Variants in XIRP2 observed in about 807,000 individuals in gnomAD.
XIRP2 encodes xin actin binding repeat containing 2.
A neutral mutation model predicts 277.0 loss-of-function variants in XIRP2; 236 were observed. The observed-to-expected ratio is 0.85, with a 90% CI of 0.77 to 0.95. XIRP2 has a LOEUF of 0.95. Ranked by LOEUF, XIRP2 falls within the 40% of genes least tolerant of loss-of-function variation. XIRP2 has a pLI of 0.00. For missense variants in XIRP2, 4,640 were observed against 4,157.5 expected, an observed-to-expected ratio of 1.12 and a Z score of -3.19; for synonymous variants, 1,490 against 1,416.5, an observed-to-expected ratio of 1.05 and a Z score of -1.17.
At chr2:167,200,260 G>T (rs1427989966) in intron 3 of XIRP2, among the ~76,000 whole-genome samples, 4 of 152,176 alleles carry the variant, frequency 2.6e-5, no homozygotes, top group Admixed American at 2.0e-4. Flanking sequence ...AAGCAGCAGG[G>T]ACTTAAAGAC....
intron 2 of XIRP2, among the ~76,000 whole-genome samples, chr2:167,116,306 T>C (rs115420128): frequency 0.014 from 2,092 of 152,338 alleles, 57 homozygotes; most frequent in African/African-American, 0.048. Context: ...GCTTTACATA[T>C]TTTGTAGCTC....
intron 2 of XIRP2, among the ~76,000 whole-genome samples, chr2:167,101,611 G>C (rs779778674): frequency 6.6e-6 from 1 of 152,090 alleles, no homozygotes. Context: ...TCGCATAATG[G>C]TCTCCAATTC....
chr2:167,221,325 G>T (rs187501426), intron 5 of XIRP2, among the ~76,000 whole-genome samples: 1 of 151,900 alleles, frequency 6.6e-6, no homozygotes, highest in African/African-American at 2.4e-5. Flanking sequence ...TTAGCCAGGT[G>T]TGGTGGCGTA....
Position 167,259,677 on chromosome 2 carries a change from C to A in XIRP2, c.*1860C>A, listed in dbSNP as rs1048981. 0.14 allele frequency: 34,481 copies of A among 239,154 alleles called. 3,127 individuals are homozygous for A. Among genetic ancestry groups the A allele is most frequent in the African/African-American group, 0.29 (12,812 of 43,878 alleles). The allele number at this position is 239,154 out of a possible 1,614,324, so 14.8% of individuals were successfully genotyped here. The stretch of plus-strand genomic sequence containing the variant: ...CATGGGTGTGATTTTTATACTGCTG[C>A]TGCTTGTCACAATTATTATAACTTC... On this transcript the variant is annotated 3_prime_UTR_variant, in exon 11 of 11. Coordinates refer to ENST00000409195, the MANE Select transcript of XIRP2 (RefSeq NM_152381.6).
At chr2:166,926,496 G>C (rs947209891) in intron 2 of XIRP2, among the ~76,000 whole-genome samples, 1 of 152,032 alleles carries the variant, frequency 6.6e-6, no homozygotes, top group African/African-American at 2.4e-5. Flanking sequence ...CAAAAGAAAC[G>C]AGAGGTCATC....
Position 167,244,780 on chromosome 2 carries a change from C to T in XIRP2, c.3388C>T (p.Leu1130Phe). ...GGGAGATGTCAAAACTTGTACTTGG[C>T]TCTTTGAAACTCAGCCACTTGATAC... Reference protein sequence around the residue: ...HKGDVKTCTWLFETQPLDTIK... With the variant: ...HKGDVKTCTWFFETQPLDTIK... Residue 1130 changes from leucine (L) to phenylalanine (F), a missense_variant, in exon 9 of 11, where the codon CTC (leucine) becomes TTC (phenylalanine). By Grantham distance (22) the Leu-to-Phe change is conservative (BLOSUM62 0). Coordinates refer to ENST00000409195, the MANE Select transcript of XIRP2 (RefSeq NM_152381.6). The T allele has an allele frequency of 1.2e-6, 2 of 1,613,468 alleles. No individual in the cohort carries two copies. Among genetic ancestry groups the T allele is most frequent in the Admixed American group, 1.7e-5 (1 of 59,936 alleles).
chr2:166,904,509 G>A (rs1003648206), intron 2 of XIRP2, among the ~76,000 whole-genome samples: 7 of 152,116 alleles, frequency 4.6e-5, no homozygotes, highest in Non-Finnish European at 7.4e-5. Context: ...TGATTATGGT[G>A]TACTATAATG....
At chr2:167,082,924 C>T (rs574794563) in intron 2 of XIRP2, among the ~76,000 whole-genome samples, 7 of 152,226 alleles carry the variant, frequency 4.6e-5, no homozygotes, top group Admixed American at 3.3e-4. Context: ...GTTTCTTTTG[C>T]TGTGCAGAAG....
intron 2 of XIRP2, among the ~76,000 whole-genome samples, chr2:167,089,799 C>T (rs570739797): frequency 1.3e-5 from 2 of 152,114 alleles, no homozygotes; most frequent in South Asian, 2.1e-4. Flanking sequence ...TCTATCGAAA[C>T]GCAGCTATGC....
chr2:167,140,595 A>G (rs947327094), intron 3 of XIRP2, among the ~76,000 whole-genome samples: 15 of 152,090 alleles, frequency 9.9e-5, no homozygotes, highest in Non-Finnish European at 7.4e-5. Context: ...GACTCCCAGC[A>G]CCGGCTTCTG....
At chr2:166,945,380 A>C (rs1238034522) in intron 2 of XIRP2, among the ~76,000 whole-genome samples, 1 of 152,126 alleles carries the variant, frequency 6.6e-6, no homozygotes, top group Non-Finnish European at 1.5e-5. Context: ...ACAATTACTT[A>C]TTCTGGGAAT....
chr2:167,194,247 A>G (rs1693435306), intron 3 of XIRP2, among the ~76,000 whole-genome samples: 1 of 151,426 alleles, frequency 6.6e-6, no homozygotes, highest in Non-Finnish European at 1.5e-5. Context: ...ACACCACCTA[A>G]TTTTTGTATT....
At chr2:167,066,134 C>CAA (rs1689298429) in intron 2 of XIRP2, among the ~76,000 whole-genome samples, 1 of 151,754 alleles carries the variant, frequency 6.6e-6, no homozygotes, top group South Asian at 2.1e-4. Flanking sequence ...GTGCACAAGA[C>CAA]AGTATTGTAA....
At chr2:166,915,583 C>A (rs1480603050) in intron 2 of XIRP2, among the ~76,000 whole-genome samples, 3 of 152,110 alleles carry the variant, frequency 2.0e-5, no homozygotes, top group Admixed American at 2.0e-4. Context: ...GAGAATGAGG[C>A]CACTAAAAAG....
In XIRP2 at chr2:167,250,468, T is replaced by A. The variant is rs184928760; in HGVS notation, c.9076T>A (p.Tyr3026Asn). 1 of 1,613,332 alleles carries A rather than the reference T, an allele frequency of 6.2e-7. No homozygotes were observed. Among genetic ancestry groups the A allele is most frequent in the Admixed American group, 1.7e-5 (1 of 59,920 alleles). Residue 3026 changes from tyrosine (Y) to asparagine (N), a missense_variant, in exon 9 of 11, where the codon TAT (tyrosine) becomes AAT (asparagine). Transcript: ENST00000409195. Reference sequence around the variant, plus strand: ...TCAAGCGGAAGATATGCTTGTGTCCTATGAAAATATAATTCAGACAGCCAT... The same window carrying A: ...TCAAGCGGAAGATATGCTTGTGTCCAATGAAAATATAATTCAGACAGCCAT... ...KTQAEDMLVS[Y>N]ENIIQTAMMS...
intron 3 of XIRP2, among the ~76,000 whole-genome samples, chr2:167,139,667 A>G (rs749072552): frequency 2.6e-5 from 4 of 152,158 alleles, no homozygotes; most frequent in Non-Finnish European, 4.4e-5. Flanking sequence ...TGTAGTATGT[A>G]TATGTATTTG....
intron 5 of XIRP2, among the ~76,000 whole-genome samples, chr2:167,222,714 A>G (rs900662436): frequency 6.6e-6 from 1 of 152,106 alleles, no homozygotes; most frequent in African/African-American, 2.4e-5. Flanking sequence ...CATCTACTCA[A>G]CTTTAAAAGG....
Position 167,016,123 on chromosome 2 carries a change from G to T in XIRP2, c.408+112233G>T, listed in dbSNP as rs186401984. Among the ~76,000 whole-genome samples, 29 of 151,742 alleles carry T rather than the reference G, an allele frequency of 1.9e-4. No homozygotes were observed. The East Asian group carries it at 5.1e-3, about 26-fold the overall frequency. ...TTCAAATAAATTCAGATTTATCCTT[G>T]TCGATTCCGTCCTCCTCCTCAACCT... is the stretch of plus-strand genomic sequence containing the variant. On this transcript the variant is annotated intron_variant, in intron 2 of 10. Transcript: ENST00000409195.
At chr2:167,237,331 A>C (rs949339299) in intron 5 of XIRP2, among the ~76,000 whole-genome samples, 1 of 152,082 alleles carries the variant, frequency 6.6e-6, no homozygotes, top group African/African-American at 2.4e-5. Flanking sequence ...AATATTTTGC[A>C]TTTTTCTCAA....
Sources: allele counts gnomAD v4.1 joint callset (sites outside exome capture counted in the v4.1 genomes callset), GRCh38; gene constraint gnomAD v4.1.1; transcripts MANE v1.5; gene names NCBI Gene and HGNC (gene_info 2026-07-23, HGNC 2026-07-21).